Variants in ZYG11B observed in about 807,000 individuals in gnomAD.
ZYG11B encodes zyg-11 family member B, cell cycle regulator.
In ZYG11B, 36 loss-of-function variants were observed where a neutral mutation model predicts 82.4. That is an observed-to-expected ratio of 0.44 (90% confidence interval 0.33 to 0.58). The LOEUF is 0.58. ZYG11B is among the 20% of genes least tolerant of loss of function. The pLI is 0.02. For missense variants in ZYG11B, 552 were observed against 895.6 expected, an observed-to-expected ratio of 0.62 and a Z score of 4.90; for synonymous variants, 303 against 312.8, an observed-to-expected ratio of 0.97 and a Z score of 0.33.
At chr1:52,752,077 G>A (rs892046417) in intron 1 of ZYG11B, among the ~76,000 whole-genome samples, 2 of 151,838 alleles carry the variant, frequency 1.3e-5, no homozygotes, top group Non-Finnish European at 2.9e-5. Flanking sequence ...AGACCTCACA[G>A]GTGAGGGGCT....
At chr1:52,772,594 G>A (rs1360503897) in intron 3 of ZYG11B, 23 of 1,478,786 alleles carry the variant, frequency 1.6e-5, no homozygotes, top group South Asian at 6.8e-5. Context: ...AAGCTGCGTC[G>A]ATAGGGTAAA....
intron 2 of ZYG11B, among the ~76,000 whole-genome samples, chr1:52,760,092 G>A (rs545895000): frequency 3.3e-5 from 5 of 152,078 alleles, no homozygotes; most frequent in African/African-American, 4.8e-5. Context: ...CTAGGCCTTC[G>A]AAAGTGCTGG....
At chr1:52,777,056 A>G (rs1644816404) in intron 3 of ZYG11B, among the ~76,000 whole-genome samples, 1 of 151,940 alleles carries the variant, frequency 6.6e-6, no homozygotes, top group Non-Finnish European at 1.5e-5. Flanking sequence ...CTAAAAATAC[A>G]AAAATTAGCC....
intron 1 of ZYG11B, 115 bp from the exon 2 acceptor site, chr1:52,756,343 A>C: frequency 1.3e-5 from 12 of 932,332 alleles, no homozygotes; most frequent in Non-Finnish European, 1.8e-5. Flanking sequence ...CTAGCATATG[A>C]TAGACACTAA....
At chr1:52,765,851 T>A (rs755509593) in intron 2 of ZYG11B, among the ~76,000 whole-genome samples, 25 of 152,182 alleles carry the variant, frequency 1.6e-4, no homozygotes, top group Non-Finnish European at 1.6e-4. Context: ...CTCCTGTCCT[T>A]GAGATATTCC....
intron 8 of ZYG11B, among the ~76,000 whole-genome samples, 168 bp downstream of exon 8, chr1:52,796,952 TTATA>T (rs1396991610): frequency 3.1e-5 from 3 of 96,614 alleles, no homozygotes. Flanking sequence ...TAATGTATAA[TTATA>T]TATTATATAT....
At chr1:52,744,760 T>C (rs542846374) in intron 1 of ZYG11B, among the ~76,000 whole-genome samples, 2 of 152,232 alleles carry the variant, frequency 1.3e-5, no homozygotes, top group South Asian at 4.1e-4. Context: ...GAGAATCTCT[T>C]GAACCCGGGA....
intron 1 of ZYG11B, among the ~76,000 whole-genome samples, chr1:52,746,599 A>G (rs1021857734): frequency 6.6e-6 from 1 of 151,224 alleles, no homozygotes; most frequent in Non-Finnish European, 1.5e-5. Flanking sequence ...AATCTGGGCA[A>G]ACTTTACTTG....
intron 6 of ZYG11B, among the ~76,000 whole-genome samples, chr1:52,792,661 T>G (rs966883829): frequency 1.3e-5 from 2 of 152,184 alleles, no homozygotes; most frequent in African/African-American, 4.8e-5. Flanking sequence ...TGAGAGCTGT[T>G]TGAATTGTTT....
chr1:52,810,310 A>T (rs1645172181), intron 10 of ZYG11B, among the ~76,000 whole-genome samples: 1 of 152,230 alleles, frequency 6.6e-6, no homozygotes, highest in South Asian at 2.1e-4. Context: ...AACTCTTTAG[A>T]TGGTTATTTT....
At chr1:52,738,173 G>A (rs943145394) in intron 1 of ZYG11B, among the ~76,000 whole-genome samples, 1 of 152,042 alleles carries the variant, frequency 6.6e-6, no homozygotes, top group Non-Finnish European at 1.5e-5. Flanking sequence ...AATCTAGAGG[G>A]GTGGTTAATT....
intron 10 of ZYG11B, among the ~76,000 whole-genome samples, chr1:52,802,598 A>C (rs1645085406): frequency 6.7e-6 from 1 of 150,258 alleles, no homozygotes; most frequent in East Asian, 2.0e-4. Flanking sequence ...CAATCCTCCT[A>C]CCTCGGCCTC....
At chr1:52,770,648 GCA>G (rs1456387664) in intron 2 of ZYG11B, among the ~76,000 whole-genome samples, 2 of 152,170 alleles carry the variant, frequency 1.3e-5, no homozygotes. Flanking sequence ...GGAAAATCAT[GCA>G]CTGGCTCTCA....
At chr1:52,776,256 T>A (rs1262412757) in intron 3 of ZYG11B, among the ~76,000 whole-genome samples, 2 of 60,574 alleles carry the variant, frequency 3.3e-5, no homozygotes, top group Non-Finnish European at 1.0e-4. Flanking sequence ...GCAATAAAGT[T>A]GGCTTAGAGC....
intron 8 of ZYG11B, among the ~76,000 whole-genome samples, chr1:52,797,598 TC>T (rs1427883346): frequency 6.8e-6 from 1 of 147,822 alleles, no homozygotes; most frequent in Admixed American, 6.9e-5. Context: ...AAGCTCCGCT[TC>T]CCAGGTTCAC....
chr1:52,776,229 A>AAAAATATATATATATAT, intron 3 of ZYG11B, among the ~76,000 whole-genome samples: 2 of 23,520 alleles, frequency 8.5e-5, no homozygotes, highest in African/African-American at 1.9e-4. Flanking sequence ...TAAAAAAAAA[A>AAAAATATATATATATAT]ATATATATAT....
intron 6 of ZYG11B, among the ~76,000 whole-genome samples, chr1:52,791,512 G>T (rs1208946868): frequency 5.3e-5 from 8 of 151,908 alleles, no homozygotes; most frequent in Non-Finnish European, 8.8e-5. Flanking sequence ...GGGATTACAG[G>T]CATGTGCCAT....
Position 52,813,735 on chromosome 1 carries a change from T to C in ZYG11B, c.1893+2T>C, listed in dbSNP as rs1446325893. ...AGGAATTCTCTGCTGGATGATTTGGTAGGGTCATTCCATACCAACAAAAGA... is the reference window on the plus strand; with the variant it reads ...AGGAATTCTCTGCTGGATGATTTGGCAGGGTCATTCCATACCAACAAAAGA... On this transcript the variant is annotated splice_donor_variant, in intron 11 of 13. Coordinates refer to ENST00000294353, the MANE Select transcript of ZYG11B (RefSeq NM_024646.3). LOFTEE classifies it high-confidence loss of function. The C allele has an allele frequency of 1.9e-6, 3 of 1,614,166 alleles. No individual in the cohort carries two copies. The highest frequency in any genetic ancestry group is 2.5e-6 in the Non-Finnish European group (3 of 1,180,030).
intron 10 of ZYG11B, among the ~76,000 whole-genome samples, chr1:52,804,950 G>T (rs549021793): frequency 6.6e-6 from 1 of 151,914 alleles, no homozygotes; most frequent in Admixed American, 6.6e-5. Flanking sequence ...AATTAGCCGG[G>T]CGTGGTGGCG....
Sources: allele counts gnomAD v4.1 joint callset (sites outside exome capture counted in the v4.1 genomes callset), GRCh38; gene constraint gnomAD v4.1.1; transcripts MANE v1.5; gene names NCBI Gene and HGNC (gene_info 2026-07-23, HGNC 2026-07-21).